Variants in HNMT observed in about 807,000 individuals in gnomAD.
HNMT encodes the protein histamine N-methyltransferase.
Under a neutral mutation model 32.1 loss-of-function variants are expected in HNMT, and 30 were observed. That is an observed-to-expected ratio of 0.93 (90% CI 0.70 to 1.27). The LOEUF (loss-of-function observed/expected upper bound fraction) is 1.27. Among genes scored for constraint, HNMT ranks in the 50% most tolerant of loss-of-function variants. HNMT has a pLI of 0.00. For missense variants in HNMT, 327 were observed against 346.0 expected (o/e 0.95, Z 0.43); for synonymous variants, 125 against 119.0 (o/e 1.05, Z -0.33).
chr2:137,970,015 G>T, intron 1 of HNMT, 150 bp from the exon 2 acceptor site: 1 of 492,590 alleles, frequency 2.0e-6, no homozygotes, highest in Non-Finnish European at 3.7e-6. Context: ...TCTAAAGATG[G>T]CAATATAACT....
intron 2 of HNMT, chr2:137,981,244 T>G (rs572750979): frequency 1.2e-6 from 2 of 1,613,686 alleles, no homozygotes; most frequent in East Asian, 4.5e-5. Context: ...GCTCCAGGGT[T>G]CTCAAGCGGA....
intron 2 of HNMT, among the ~76,000 whole-genome samples, chr2:137,996,916 C>T (rs539842940): frequency 1.4e-3 from 220 of 152,094 alleles, no homozygotes; most frequent in Non-Finnish European, 2.7e-3. Flanking sequence ...AAACAAGCAA[C>T]GGGGAAAGGA....
At chr2:137,980,980 T>A (rs1680476096) in intron 2 of HNMT, among the ~76,000 whole-genome samples, 1 of 152,112 alleles carries the variant, frequency 6.6e-6, no homozygotes. Flanking sequence ...TTATTTTTCA[T>A]CTCCAAGCAC....
At chr2:137,980,150 C>T (rs955112406) in intron 2 of HNMT, among the ~76,000 whole-genome samples, 13 of 152,044 alleles carry the variant, frequency 8.6e-5, no homozygotes, top group African/African-American at 2.4e-4. Flanking sequence ...ATTCTCCTGC[C>T]TCGCCCTCCC....
chr2:137,968,151 G>C (rs554007255), intron 1 of HNMT, among the ~76,000 whole-genome samples: 2 of 152,226 alleles, frequency 1.3e-5, no homozygotes, highest in Admixed American at 6.5e-5. Context: ...CTATTTGAGG[G>C]TAGATGGTGG....
At chr2:137,999,050 CA>C (rs1681083463) in intron 2 of HNMT, among the ~76,000 whole-genome samples, 1 of 152,074 alleles carries the variant, frequency 6.6e-6, no homozygotes, top group East Asian at 1.9e-4. Flanking sequence ...GTCTTTTTAG[CA>C]TTTGTGATCT....
At chr2:137,980,499 T>C (rs973073350) in intron 2 of HNMT, among the ~76,000 whole-genome samples, 3 of 152,226 alleles carry the variant, frequency 2.0e-5, no homozygotes, top group Admixed American at 2.0e-4. Flanking sequence ...GAATGGTGGC[T>C]ATCCTCTGTT....
chr2:137,977,549 C>T (rs113062640), intron 2 of HNMT, among the ~76,000 whole-genome samples: 380 of 151,320 alleles, frequency 2.5e-3, no homozygotes, highest in African/African-American at 8.9e-3. Context: ...CTGAGAGAAA[C>T]GACGAAAAAA....
At chr2:137,985,066 T>C (rs1175610549) in intron 2 of HNMT, among the ~76,000 whole-genome samples, 1 of 152,100 alleles carries the variant, frequency 6.6e-6, no homozygotes, top group Non-Finnish European at 1.5e-5. Context: ...CAAACTAGGA[T>C]TATAATTTTA....
chr2:137,983,636 C>T (rs1680568365), intron 2 of HNMT, among the ~76,000 whole-genome samples: 2 of 152,086 alleles, frequency 1.3e-5, no homozygotes, highest in Admixed American at 1.3e-4. Context: ...GGAACTCTGG[C>T]TCATAGAGCA....
chr2:137,965,810 G>A (rs1393996481), intron 1 of HNMT, among the ~76,000 whole-genome samples: 1 of 152,136 alleles, frequency 6.6e-6, no homozygotes, highest in East Asian at 1.9e-4. Context: ...TAGCTTACCA[G>A]ATCCTTGGTT....
chr2:137,997,955 G>A (rs1681046288), intron 2 of HNMT, among the ~76,000 whole-genome samples: 1 of 152,136 alleles, frequency 6.6e-6, no homozygotes, highest in Non-Finnish European at 1.5e-5. Context: ...ATTCATAAGT[G>A]GCAGTTGAAC....
In HNMT at chr2:138,014,655, C is replaced by T. The variant is rs1448503450; in HGVS notation, c.*525C>T. 1 of 152,306 alleles carries T rather than the reference C, an allele frequency of 6.6e-6. No individual in the cohort carries two copies. Among genetic ancestry groups the T allele is most frequent in the Non-Finnish European group, 1.5e-5 (1 of 67,978 alleles). 9.4% of individuals were successfully genotyped at this position (152,306 alleles called of 1,614,324 possible). A position where few individuals can be genotyped will look rare whatever the true frequency, so the allele number is the denominator to read the frequency against. ...AGAATATTAAAAATTAATTCTTTAT[C>T]ACATGTTGTCATTTCTTCCCATTGT... On this transcript the variant is annotated 3_prime_UTR_variant, in exon 6 of 6. Coordinates refer to ENST00000280097, the MANE Select transcript of HNMT (RefSeq NM_006895.3).
chr2:137,989,316 A>T (rs79767255), intron 2 of HNMT, among the ~76,000 whole-genome samples: 22 of 152,170 alleles, frequency 1.4e-4, no homozygotes, highest in Non-Finnish European at 5.9e-5. Flanking sequence ...CATCTAGTTG[A>T]AATCACACAG....
chr2:138,014,288 T>C lies in HNMT; in HGVS notation c.*158T>C. On this transcript the variant is annotated 3_prime_UTR_variant, in exon 6 of 6. Transcript: ENST00000280097. ...TCCAATACATTATTGGACTTCCATT[T>C]GGAATCATATGGGATACTGCTGGTC... 1.7e-6 allele frequency: 1 copy of C among 586,992 alleles called. No homozygotes were observed. The highest frequency in any genetic ancestry group is 3.0e-6 in the Non-Finnish European group (1 of 334,330). The allele number at this position is 586,992 out of a possible 1,614,324, so 36.4% of individuals were successfully genotyped here.
At position 138,013,826 on chromosome 2, in the gene HNMT, A is replaced by G; in HGVS notation, c.575A>G (p.Gln192Arg). The G allele has an allele frequency of 1.9e-6, 3 of 1,613,630 alleles. No individual in the cohort carries two copies. The highest frequency in any genetic ancestry group is 1.7e-6 in the Non-Finnish European group (2 of 1,179,770). Residue 192 changes from glutamine to arginine, a missense_variant, in exon 6 of 6, where the codon CAG becomes CGG. Gln to Arg is a conservative substitution (Grantham distance 43). Transcript: ENST00000280097. ...LWKKYGSRFP[Q>R]DDLCQYITSD... is the part of the protein sequence containing the mutation. ...AAAAAGTACGGATCACGCTTTCCCC[A>G]GGATGACCTCTGCCAGTATATCACA... is the stretch of plus-strand genomic sequence containing the variant.
At position 138,001,981 on chromosome 2, in the gene HNMT, G is replaced by C. The variant is rs1681187392; in HGVS notation, c.299-83G>C. On this transcript the variant is annotated intron_variant, in intron 3 of 5. Coordinates refer to ENST00000280097, the MANE Select transcript of HNMT (RefSeq NM_006895.3). ...TTTCTATCTGTTTGTATATAACATT[G>C]ATTGCATTAAAATTCTAAATGGAAA... The C allele has an allele frequency of 1.1e-5, 12 of 1,057,638 alleles. No homozygotes were observed. The East Asian group carries it at 3.2e-4, about 29-fold the overall frequency. 65.5% of individuals were successfully genotyped at this position (1,057,638 alleles called of 1,614,324 possible). A position where few individuals can be genotyped will look rare whatever the true frequency, so the allele number is the denominator to read the frequency against.
intron 3 of HNMT, among the ~76,000 whole-genome samples, chr2:138,001,837 G>C (rs1681182732): frequency 6.6e-6 from 1 of 151,810 alleles, no homozygotes; most frequent in Non-Finnish European, 1.5e-5. Context: ...TTCTGCCCAG[G>C]GTTCTTGTAA....
At chr2:138,002,248 T>C in intron 4 of HNMT, 54 bp downstream of exon 4, 1 of 1,228,580 alleles carries the variant, frequency 8.1e-7, no homozygotes, top group East Asian at 2.8e-5. Context: ...TCAGAATATA[T>C]ATATAATGAA....
Sources: allele counts gnomAD v4.1 joint callset (sites outside exome capture counted in the v4.1 genomes callset), GRCh38; gene constraint gnomAD v4.1.1; transcripts MANE v1.5; gene names NCBI Gene and HGNC (gene_info 2026-07-23, HGNC 2026-07-21).